Variants in CCDC14 observed in about 807,000 individuals in gnomAD.
The protein encoded by CCDC14 is coiled-coil domain-containing protein 14.
A neutral mutation model predicts 81.4 loss-of-function variants in CCDC14; 71 were observed. That is an observed-to-expected ratio of 0.87 (90% CI 0.72 to 1.06). The LOEUF (loss-of-function observed/expected upper bound fraction) is 1.06, where lower values mean the gene tolerates loss of function less well. Among genes scored for constraint, CCDC14 ranks in the 50% least tolerant of loss-of-function variants. The pLI is 0.00. For missense variants in CCDC14, 1,046 were observed against 1,047.3 expected, an observed-to-expected ratio of 1.00 and a Z score of 0.02; for synonymous variants, 332 against 364.8, an observed-to-expected ratio of 0.91 and a Z score of 1.03.
the CCDC14 span, among the ~76,000 whole-genome samples, chr3:123,888,922 A>C: frequency 6.6e-6 from 1 of 152,174 alleles, no homozygotes; most frequent in Non-Finnish European, 1.5e-5. Flanking sequence ...TCACATTGCA[A>C]AATATAATTA....
Position 123,901,317 on chromosome 3 carries a change from T to C in CCDC14, c.668-3704A>G, listed in dbSNP as rs998136286. Among the ~76,000 whole-genome samples, 5 of 151,972 alleles carry C rather than the reference T, an allele frequency of 3.3e-5. No homozygotes were observed. In the East Asian group the frequency reaches 9.6e-4, roughly 29 times the overall value. Reference sequence around the variant, plus strand: ...TCAGTGATACTATAACACTTATAAATTCAATTCAATATAGCATTAGCAAGA... The same window carrying C: ...TCAGTGATACTATAACACTTATAAACTCAATTCAATATAGCATTAGCAAGA... On this transcript the variant is annotated intron_variant, in intron 5 of 5. Transcript: ENST00000479903.
At chr3:123,927,652 A>C (rs1214342788) in intron 12 of CCDC14, among the ~76,000 whole-genome samples, 1 of 152,192 alleles carries the variant, frequency 6.6e-6, no homozygotes, top group Non-Finnish European at 1.5e-5. Context: ...AAAATGTAAA[A>C]AACTGATAGG....
chr3:123,924,355 A>G (rs1447091019), intron 12 of CCDC14, among the ~76,000 whole-genome samples: 1 of 152,168 alleles, frequency 6.6e-6, no homozygotes, highest in Non-Finnish European at 1.5e-5. Flanking sequence ...ACATGAGGGA[A>G]AAGCTCCATG....
At chr3:123,916,183 G>A (rs2034675970) in intron 12 of CCDC14, among the ~76,000 whole-genome samples, 1 of 152,040 alleles carries the variant, frequency 6.6e-6, no homozygotes, top group Admixed American at 6.5e-5. Flanking sequence ...ATTTTTAGTA[G>A]AGACAGGGTT....
At chr3:123,959,453 C>CT (rs558179565) in intron 1 of CCDC14, among the ~76,000 whole-genome samples, 136 of 152,180 alleles carry the variant, frequency 8.9e-4, no homozygotes, top group African/African-American at 3.0e-3. Context: ...TATTCAAATC[C>CT]TTTTTTCGTT....
At chr3:123,899,703 T>C (rs760213319) in intron 5 of CCDC14, among the ~76,000 whole-genome samples, 3 of 152,232 alleles carry the variant, frequency 2.0e-5, no homozygotes, top group Non-Finnish European at 4.4e-5. Context: ...TCATCAGTCT[T>C]GTCCCTCTAA....
chr3:123,924,154 T>C (rs1055445079), intron 12 of CCDC14, among the ~76,000 whole-genome samples: 2 of 152,216 alleles, frequency 1.3e-5, no homozygotes, highest in East Asian at 1.9e-4. Context: ...TATGGCCAAT[T>C]GATTTTTCAC....
chr3:123,903,051 G>C (rs1188379750), intron 5 of CCDC14, among the ~76,000 whole-genome samples: 1 of 151,938 alleles, frequency 6.6e-6, no homozygotes, highest in Non-Finnish European at 1.5e-5. Flanking sequence ...TCCCACTTAT[G>C]AGTGAGAACA....
chr3:123,921,384 CTCATA>C (rs1325397778), intron 12 of CCDC14, among the ~76,000 whole-genome samples: 1 of 152,038 alleles, frequency 6.6e-6, no homozygotes, highest in Non-Finnish European at 1.5e-5. Flanking sequence ...GGTAGCTATA[CTCATA>C]TCAGACAAAA....
At chr3:123,940,542 C>T (rs115297040) in intron 9 of CCDC14, among the ~76,000 whole-genome samples, 2,199 of 151,884 alleles carry the variant, frequency 0.014, 16 homozygotes, top group Non-Finnish European at 0.024. Context: ...AAATTGTTTT[C>T]TTCCTGTGAC....
intron 5 of CCDC14, among the ~76,000 whole-genome samples, chr3:123,903,945 T>A (rs544440750): frequency 6.6e-6 from 1 of 152,278 alleles, no homozygotes; most frequent in South Asian, 2.1e-4. Context: ...AGGACTGTTG[T>A]GGGCATGATT....
chr3:123,896,709 T>C (rs562514705), downstream of CCDC14, among the ~76,000 whole-genome samples: 3 of 152,298 alleles, frequency 2.0e-5, no homozygotes, highest in African/African-American at 7.2e-5. Context: ...TATTAACATA[T>C]GAAAATAAAG....
At position 123,947,201 on chromosome 3, in the gene CCDC14, G is replaced by C. The variant is rs1340728596; in HGVS notation, c.803C>G (p.Pro268Arg). 1.2e-6 allele frequency: 2 copies of C among 1,613,776 alleles called. No homozygotes were observed. Among genetic ancestry groups the C allele is most frequent in the African/African-American group, 2.7e-5 (2 of 74,880 alleles). Residue 268 changes from proline (P) to arginine (R), a missense_variant, in exon 8 of 13, where the codon CCC (proline) becomes CGC (arginine). Coordinates refer to ENST00000409697, the MANE Select transcript of CCDC14 (RefSeq NM_001366335.1). ...TGGAATAGCTGATATGTCAGTTTTGGGCAGGCTACATGGAACTCCAGGACT... is the reference window on the plus strand; with the variant it reads ...TGGAATAGCTGATATGTCAGTTTTGCGCAGGCTACATGGAACTCCAGGACT... ...NTSPGVPCSL[P>R]KTDISAIPTL...
chr3:123,908,646 G>C (rs543871692), downstream of CCDC14, among the ~76,000 whole-genome samples: 1 of 152,150 alleles, frequency 6.6e-6, no homozygotes, highest in East Asian at 1.9e-4. Context: ...CCCTTTCTGG[G>C]TATGTTAGGA....
At chr3:123,928,113 T>C (rs1468950131) in intron 12 of CCDC14, among the ~76,000 whole-genome samples, 1 of 152,080 alleles carries the variant, frequency 6.6e-6, no homozygotes, top group Non-Finnish European at 1.5e-5. Flanking sequence ...CTCTGAAAGA[T>C]TTTTCTTATG....
intron 12 of CCDC14, among the ~76,000 whole-genome samples, chr3:123,926,602 T>C (rs1488260683): frequency 6.7e-6 from 1 of 149,088 alleles, no homozygotes; most frequent in Non-Finnish European, 1.5e-5. Flanking sequence ...TAAATTAATA[T>C]TTAAAATATT....
At chr3:123,886,734 AAT>A in the CCDC14 span, among the ~76,000 whole-genome samples, 2 of 152,192 alleles carry the variant, frequency 1.3e-5, no homozygotes, top group African/African-American at 4.8e-5. Flanking sequence ...TTAAGATAAC[AAT>A]ATGAGCACTA....
At chr3:123,923,967 TA>T (rs35674177) in intron 12 of CCDC14, among the ~76,000 whole-genome samples, 31,094 of 140,984 alleles carry the variant, frequency 0.22, 4,409 homozygotes, top group African/African-American at 0.4. Flanking sequence ...ACAGAATCAT[TA>T]AAAAAAAAAA....
At chr3:123,910,511 T>C (rs181146010), downstream of CCDC14, among the ~76,000 whole-genome samples, 63 of 151,964 alleles carry the variant, frequency 4.1e-4, no homozygotes, top group East Asian at 0.011. Context: ...CTTACGTTCA[T>C]CCCTCCCAAA....
Sources: allele counts gnomAD v4.1 joint callset (sites outside exome capture counted in the v4.1 genomes callset), GRCh38; gene constraint gnomAD v4.1.1; transcripts MANE v1.5; gene names NCBI Gene and HGNC (gene_info 2026-07-23, HGNC 2026-07-21).